PSMG2: variants seen among roughly 807,000 people sequenced by gnomAD.
PSMG2 encodes proteasome assembly chaperone 2, also known as CD40 ligand-activated specific transcript 3.
In PSMG2, 21 loss-of-function variants were observed where a neutral mutation model predicts 31.5. The observed-to-expected ratio is 0.67, with a 90% confidence interval of 0.47 to 0.96. The LOEUF (loss-of-function observed/expected upper bound fraction) is 0.96, where lower values mean the gene tolerates loss of function less well. Among genes scored for constraint, PSMG2 ranks in the 40% least tolerant of loss-of-function variants. The probability of loss-of-function intolerance (pLI) is 0.00; values close to 1 mark genes in which losing one functional copy is unlikely to be tolerated. For missense variants in PSMG2, 318 were observed against 321.2 expected, an observed-to-expected ratio of 0.99 and a Z score of 0.08; for synonymous variants, 120 against 110.4, an observed-to-expected ratio of 1.09 and a Z score of -0.54.
At chr18:12,717,535 C>T (rs2040388538) in intron 3 of PSMG2, among the ~76,000 whole-genome samples, 1 of 152,210 alleles carries the variant, frequency 6.6e-6, no homozygotes, top group South Asian at 2.1e-4. Context: ...CTACATACTT[C>T]CGCACACATC....
chr18:12,725,532 T>A lies in PSMG2; in HGVS notation c.*1T>A. Reference sequence around the variant, plus strand: ...TGGTCTTCCCCCTGCACTTTTCTGATCTAATTTCTGTTTTATACCTTATAC... The same window carrying A: ...TGGTCTTCCCCCTGCACTTTTCTGAACTAATTTCTGTTTTATACCTTATAC... On this transcript the variant is annotated 3_prime_UTR_variant, in exon 7 of 7. Transcript: ENST00000317615. 1 of 1,577,144 alleles carries A rather than the reference T, an allele frequency of 6.3e-7. No individual in the cohort carries two copies. The highest frequency in any genetic ancestry group is 8.7e-7 in the Non-Finnish European group (1 of 1,147,596).
chr18:12,698,106 G>GA (rs1261263143), upstream of PSMG2, among the ~76,000 whole-genome samples: 1 of 151,324 alleles, frequency 6.6e-6, no homozygotes, highest in African/African-American at 2.4e-5. Context: ...AGAAAAAAAA[G>GA]AAAAAATTAA....
intron 1 of PSMG2, among the ~76,000 whole-genome samples, chr18:12,692,493 T>C (rs2039804661): frequency 6.6e-6 from 1 of 152,168 alleles, no homozygotes; most frequent in Admixed American, 6.6e-5. Flanking sequence ...GCTTTTGTTC[T>C]AGGCTGTTCC....
intron 1 of PSMG2, among the ~76,000 whole-genome samples, chr18:12,693,049 C>G (rs2039825667): frequency 6.6e-6 from 1 of 152,154 alleles, no homozygotes; most frequent in African/African-American, 2.4e-5. Context: ...GTCTTGAACT[C>G]CTGGCCTGAA....
chr18:12,674,823 G>A (rs1343218831), intron 1 of PSMG2: 3 of 963,034 alleles, frequency 3.1e-6, no homozygotes, highest in Non-Finnish European at 4.6e-6. Flanking sequence ...AAATAAAAAT[G>A]TTGATTATTT....
At chr18:12,678,710 C>T (rs2039233935) in intron 1 of PSMG2, among the ~76,000 whole-genome samples, 1 of 152,064 alleles carries the variant, frequency 6.6e-6, no homozygotes, top group Non-Finnish European at 1.5e-5. Flanking sequence ...AGTCCCAGCA[C>T]TTTGGGAGGC....
chr18:12,669,608 G>C (rs2038888030), intron 1 of PSMG2, among the ~76,000 whole-genome samples: 1 of 152,050 alleles, frequency 6.6e-6, no homozygotes. Context: ...ATATTGTCAA[G>C]AACACCACCT....
upstream of PSMG2, among the ~76,000 whole-genome samples, chr18:12,701,481 G>A (rs2040147662): frequency 6.6e-6 from 1 of 152,108 alleles, no homozygotes; most frequent in Non-Finnish European, 1.5e-5. Flanking sequence ...CAACTTAGTA[G>A]ATGTGTAACC....
chr18:12,707,608 G>A (rs2040283104), intron 2 of PSMG2, among the ~76,000 whole-genome samples: 1 of 152,120 alleles, frequency 6.6e-6, no homozygotes, highest in Non-Finnish European at 1.5e-5. Context: ...GATTAATCAG[G>A]GAACACTGGT....
chr18:12,702,395 A>G, upstream of PSMG2: 1 of 957,068 alleles, frequency 1.0e-6, no homozygotes, highest in Non-Finnish European at 1.7e-6. Context: ...AGTCCCGGCA[A>G]GCAGATGCCG....
intron 1 of PSMG2, among the ~76,000 whole-genome samples, chr18:12,689,910 T>C (rs2039688834): frequency 6.6e-6 from 1 of 152,144 alleles, no homozygotes; most frequent in South Asian, 2.1e-4. Flanking sequence ...TGCCTCAGCC[T>C]CCTGACTAAC....
chr18:12,704,884 G>A (rs2145131310), intron 1 of PSMG2, among the ~76,000 whole-genome samples: 1 of 152,282 alleles, frequency 6.6e-6, no homozygotes, highest in South Asian at 2.1e-4. Context: ...ACAGTGAAAA[G>A]TGGGAGAACA....
intron 5 of PSMG2, among the ~76,000 whole-genome samples, chr18:12,720,894 G>A (rs1319827235): frequency 6.6e-6 from 1 of 152,148 alleles, no homozygotes; most frequent in Non-Finnish European, 1.5e-5. Flanking sequence ...GGCCGGGCAC[G>A]GTGGCTCACA....
At chr18:12,705,545 A>AAGAG (rs142910283) in intron 1 of PSMG2, among the ~76,000 whole-genome samples, 140 of 137,858 alleles carry the variant, frequency 1.0e-3, no homozygotes, top group East Asian at 4.8e-3. Context: ...TCATGGGAAA[A>AAGAG]AGAGAGAGAG....
At chr18:12,673,586 A>G in intron 1 of PSMG2, 1 of 1,232,246 alleles carries the variant, frequency 8.1e-7, no homozygotes, top group Non-Finnish European at 1.1e-6. Flanking sequence ...AGTATTTAAA[A>G]TAATTTTTTC....
intron 1 of PSMG2, chr18:12,686,424 G>T: frequency 6.2e-7 from 1 of 1,613,280 alleles, no homozygotes; most frequent in Non-Finnish European, 8.5e-7. Flanking sequence ...CATAGGAACA[G>T]ACTGGTCTAT....
chr18:12,705,342 G>A (rs2040253953), intron 1 of PSMG2, among the ~76,000 whole-genome samples: 1 of 152,164 alleles, frequency 6.6e-6, no homozygotes, highest in South Asian at 2.1e-4. Flanking sequence ...GGGATTACAG[G>A]CATGAGACAC....
chr18:12,674,486 A>G (rs1044312503), intron 1 of PSMG2: 1 of 1,381,614 alleles, frequency 7.2e-7, no homozygotes, highest in East Asian at 2.3e-5. Flanking sequence ...TGCCGGACTG[A>G]TCTGTAAGAC....
chr18:12,708,069 C>T (rs1353115908), intron 2 of PSMG2, among the ~76,000 whole-genome samples: 1 of 152,058 alleles, frequency 6.6e-6, no homozygotes, highest in Non-Finnish European at 1.5e-5. Context: ...AACGCTTGAG[C>T]TCAGGAGTTT....
Sources: gnomAD v4.1 joint callset for allele counts (sites outside exome capture counted in the v4.1 genomes callset) on GRCh38, gnomAD v4.1.1 for gene constraint, MANE v1.5 for transcripts, NCBI Gene and HGNC (gene_info 2026-07-23, HGNC 2026-07-21) for gene names.